The following CACNA1A variants were observed in gnomAD, a reference collection of about 807,000 sequenced individuals.
The protein encoded by CACNA1A is voltage-dependent P/Q-type calcium channel subunit alpha-1A.
Under a neutral mutation model 262.4 loss-of-function variants are expected in CACNA1A, and 57 were observed. That is an observed-to-expected ratio of 0.22 (90% CI 0.18 to 0.27). CACNA1A has a LOEUF of 0.27. CACNA1A is among the 10% of genes least tolerant of loss of function. CACNA1A has a pLI of 1.00. For missense variants in CACNA1A, 2,526 were observed against 3,562.8 expected (o/e 0.71, Z 7.41); for synonymous variants, 1,431 against 1,419.3 (o/e 1.01, Z -0.18).
chr19:13,330,235 G>C lies in CACNA1A; in HGVS notation c.1345+9C>G. The C allele has an allele frequency of 6.5e-7, 1 of 1,541,468 alleles. No individual in the cohort carries two copies. The highest frequency in any genetic ancestry group is 8.8e-7 in the Non-Finnish European group (1 of 1,136,720). Reference sequence around the variant, plus strand: ...GAACAACTGATAGGTGGCAGAGGAAGGGACTCACCCACAGAGGCTATATCA... The same window carrying C: ...GAACAACTGATAGGTGGCAGAGGAACGGACTCACCCACAGAGGCTATATCA... On this transcript the variant is annotated intron_variant, in intron 10 of 46. Transcript: ENST00000360228.
intron 22 of CACNA1A, among the ~76,000 whole-genome samples, chr19:13,278,145 A>G (rs981227099): frequency 6.6e-6 from 1 of 151,494 alleles, no homozygotes; most frequent in Admixed American, 6.6e-5. Flanking sequence ...ATTACTGAAC[A>G]TGGCCACCAG....
Position 13,207,517 on chromosome 19 carries a change from G to A in CACNA1A, c.7317C>T (p.Pro2439=), listed in dbSNP as rs753473265. ...TGGCGCCCGAGGACGCGTGTCGTACGGGGGGTGGCGCGTCGTAGGCCCCGG... is the reference window on the plus strand; with the variant it reads ...TGGCGCCCGAGGACGCGTGTCGTACAGGGGGTGGCGCGTCGTAGGCCCCGG... The part of the protein sequence containing the change: ...AMAGAYDAPP[P]VRHASSGATG... The change falls in exon 47 of 47, where the codon CCC becomes CCT. Residue 2439 remains proline (P), a synonymous_variant. Coordinates refer to ENST00000360228, the MANE Select transcript of CACNA1A (RefSeq NM_001127222.2). The surrounding 1 kb of genome is among the most constrained non-coding windows in gnomAD (Gnocchi z 5.7). 19 of 1,431,420 alleles carry A rather than the reference G, an allele frequency of 1.3e-5. No homozygotes were observed. Among genetic ancestry groups the A allele is most frequent in the Admixed American group, 2.8e-5 (1 of 35,656 alleles). 88.7% of individuals were successfully genotyped at this position (1,431,420 alleles called of 1,614,324 possible). A position where few individuals can be genotyped will look rare whatever the true frequency, so the allele number is the denominator to read the frequency against.
At chr19:13,331,030 C>G (rs2058458599) in intron 9 of CACNA1A, among the ~76,000 whole-genome samples, 1 of 152,132 alleles carries the variant, frequency 6.6e-6, no homozygotes, top group Non-Finnish European at 1.5e-5. Context: ...CCACAGCAGA[C>G]AAGTTCAGGT....
intron 1 of CACNA1A, among the ~76,000 whole-genome samples, chr19:13,502,495 T>C (rs1330629466): frequency 6.6e-6 from 1 of 152,156 alleles, no homozygotes; most frequent in Admixed American, 6.6e-5. Context: ...GGCTGACAGA[T>C]GCTCCTTTTT....
In CACNA1A at chr19:13,287,117, G is replaced by A. The variant is rs147382698; in HGVS notation, c.3090-151C>T. On this transcript the variant is annotated intron_variant, in intron 19 of 46. Coordinates refer to ENST00000360228, the MANE Select transcript of CACNA1A (RefSeq NM_001127222.2). ...CTGTAATCCCAGCACTTTGGGAAGC[G>A]GAGGCAGGAGGATTGCTTAAGGCCA... 8.5e-4 allele frequency among the ~76,000 whole-genome samples: 130 copies of A among 152,278 alleles called. No homozygotes were observed. In the East Asian group the frequency reaches 0.014, roughly 17 times the overall value.
chr19:13,266,789 G>A (rs1442337419), intron 24 of CACNA1A, among the ~76,000 whole-genome samples: 4 of 152,236 alleles, frequency 2.6e-5, no homozygotes, highest in Non-Finnish European at 4.4e-5. Context: ...TGACCAGGCT[G>A]GTCTGAAACT....
In CACNA1A at chr19:13,227,524, GC is replaced by G; in HGVS notation, c.5531del (p.Gly1844AlafsTer12). 2 of 1,551,686 alleles carry G rather than the reference GC, an allele frequency of 1.3e-6. No homozygotes were observed. The highest frequency in any genetic ancestry group is 1.7e-6 in the Non-Finnish European group (2 of 1,144,628). ...GATACATGTCCAGGTAAGGCATGCG[GC>G]CCCTGGCAGCACCGAAAATGAAAAA... ...VWAEYDPAAW[G>X]RMPYLDMYQM... On this transcript the variant is annotated frameshift_variant and splice_region_variant, in exon 37 of 47. Coordinates refer to ENST00000360228, the MANE Select transcript of CACNA1A (RefSeq NM_001127222.2). LOFTEE classifies it high-confidence loss of function.
At chr19:13,294,359 AG>A (rs2057614064) in intron 19 of CACNA1A, among the ~76,000 whole-genome samples, 1 of 152,112 alleles carries the variant, frequency 6.6e-6, no homozygotes, top group Non-Finnish European at 1.5e-5. Context: ...TGTACATGGT[AG>A]GGTATTTAGT....
rs755561985 is a variant in CACNA1A at position 13,228,603 on chromosome 19, G to GATAT, written c.5529-1077_5529-1076insATAT. ...GGCTCTGTTTTTTTAGAGAGAGAGAGAGATATATATATATATATATATGAA... is the reference window on the plus strand; with the variant it reads ...GGCTCTGTTTTTTTAGAGAGAGAGAGATATAGATATATATATATATATATATGAA... On this transcript the variant is annotated intron_variant, in intron 36 of 46. Transcript: ENST00000360228. 7.1e-4 allele frequency: 158 copies of GATAT among 221,210 alleles called. 1 individual carries two copies. In the South Asian group the frequency reaches 0.01, roughly 14 times the overall value. The allele number at this position is 221,210 out of a possible 1,614,324, so 13.7% of individuals were successfully genotyped here.
intron 34 of CACNA1A, among the ~76,000 whole-genome samples, chr19:13,233,819 T>A (rs1305500798): frequency 2.6e-5 from 4 of 152,156 alleles, no homozygotes; most frequent in Admixed American, 6.5e-5. Flanking sequence ...GAATTTTATC[T>A]TTTTCCAGCA....
At chr19:13,318,151 A>C (rs2058165015) in intron 10 of CACNA1A, among the ~76,000 whole-genome samples, 1 of 152,224 alleles carries the variant, frequency 6.6e-6, no homozygotes, top group South Asian at 2.1e-4. Flanking sequence ...AGAAAAAGTA[A>C]AGCATCACAG....
chr19:13,464,764 G>A (rs1008538036), intron 1 of CACNA1A, among the ~76,000 whole-genome samples: 7 of 151,744 alleles, frequency 4.6e-5, no homozygotes, highest in Admixed American at 1.3e-4. Flanking sequence ...TAGCCAGGGT[G>A]GTCTCGATCT....
At position 13,289,592 on chromosome 19, in the gene CACNA1A, T is replaced by C. The variant is rs2057487252; in HGVS notation, c.3090-2626A>G. 4.6e-5 allele frequency among the ~76,000 whole-genome samples: 7 copies of C among 152,182 alleles called. No homozygotes were observed. The South Asian group carries it at 1.4e-3, about 32-fold the overall frequency. On this transcript the variant is annotated intron_variant, in intron 19 of 46. Coordinates refer to ENST00000360228, the MANE Select transcript of CACNA1A (RefSeq NM_001127222.2). Reference sequence around the variant, plus strand: ...ACTGAAGCAATGATCCTGGACCTTCTTTACCACATAATCTCCAGTGAGTTA... The same window carrying C: ...ACTGAAGCAATGATCCTGGACCTTCCTTACCACATAATCTCCAGTGAGTTA...
chr19:13,469,615 ATTTTTTT>A (rs745335031), intron 1 of CACNA1A, among the ~76,000 whole-genome samples: 2 of 133,812 alleles, frequency 1.5e-5, no homozygotes, highest in African/African-American at 5.6e-5. Context: ...CGCCTGGCTA[ATTTTTTT>A]TTTTTTTTTT....
intron 3 of CACNA1A, among the ~76,000 whole-genome samples, chr19:13,421,273 G>A (rs766191345): frequency 5.9e-5 from 9 of 151,850 alleles, no homozygotes; most frequent in Admixed American, 1.3e-4. Context: ...GTTTTAATCC[G>A]GTGGCCTTTT....
At chr19:13,315,109 C>G (rs1325512443) in intron 11 of CACNA1A, 1 of 151,590 alleles carries the variant, frequency 6.6e-6, no homozygotes, top group Non-Finnish European at 1.5e-5. Flanking sequence ...GATGTGGAGT[C>G]TGAGATCCAG....
intron 1 of CACNA1A, among the ~76,000 whole-genome samples, chr19:13,457,249 T>C (rs148795409): frequency 2.1e-3 from 318 of 151,934 alleles, no homozygotes; most frequent in African/African-American, 7.3e-3. Flanking sequence ...TGAGACCCTG[T>C]CTCAAAACAA....
At chr19:13,252,845 T>C (rs1025496601) in intron 30 of CACNA1A, 146 bp downstream of exon 30, 2 of 554,720 alleles carry the variant, frequency 3.6e-6, no homozygotes, top group Non-Finnish European at 6.5e-6. Flanking sequence ...AATGCCTAAG[T>C]AGGATCTGTG....
At chr19:13,238,249 G>C (rs981796400) in intron 31 of CACNA1A, among the ~76,000 whole-genome samples, 2 of 152,140 alleles carry the variant, frequency 1.3e-5, no homozygotes, top group African/African-American at 4.8e-5. Context: ...GGGAGGTGCA[G>C]CTTCCTCTCT....
Sources: gnomAD v4.1 joint callset for allele counts (sites outside exome capture counted in the v4.1 genomes callset) on GRCh38, gnomAD v4.1.1 for gene constraint, Gnocchi (gnomAD v3.1) non-coding constraint, MANE v1.5 for transcripts, NCBI Gene and HGNC (gene_info 2026-07-23, HGNC 2026-07-21) for gene names.